The following FRMD3 variants were observed in gnomAD, a reference collection of about 807,000 sequenced individuals.
FRMD3 encodes FERM domain-containing protein 3.
FRMD3 carries 33 observed loss-of-function variants against 70.2 expected under a neutral mutation model. The ratio of observed to expected loss-of-function variants is 0.47; its 90% CI spans 0.36 to 0.63. The LOEUF (loss-of-function observed/expected upper bound fraction) is 0.63, where lower values mean the gene tolerates loss of function less well. FRMD3 is among the 20% of genes least tolerant of loss of function. The pLI is 0.00. For missense variants in FRMD3, 632 were observed against 711.4 expected (o/e 0.89, Z 1.27); for synonymous variants, 279 against 255.9 (o/e 1.09, Z -0.86).
chr9:83,475,908 G>T (rs1010646620), intron 1 of FRMD3, among the ~76,000 whole-genome samples: 1 of 152,102 alleles, frequency 6.6e-6, no homozygotes, highest in East Asian at 1.9e-4. Flanking sequence ...TGAGTGTTAG[G>T]TCCCTTTCCT....
At chr9:83,440,186 G>C (rs1326085394) in intron 1 of FRMD3, among the ~76,000 whole-genome samples, 1 of 152,146 alleles carries the variant, frequency 6.6e-6, no homozygotes, top group Non-Finnish European at 1.5e-5. Flanking sequence ...TCATTTCTAA[G>C]GTCAGAAGAG....
chr9:83,367,073 T>C (rs767283175), intron 3 of FRMD3, among the ~76,000 whole-genome samples: 10 of 152,218 alleles, frequency 6.6e-5, no homozygotes, highest in Non-Finnish European at 1.3e-4. Flanking sequence ...GTCACTGTTA[T>C]GTTGCATAGC....
At chr9:83,429,403 G>A (rs79601411) in intron 1 of FRMD3, among the ~76,000 whole-genome samples, 577 of 152,128 alleles carry the variant, frequency 3.8e-3, no homozygotes, top group Non-Finnish European at 6.2e-3. Flanking sequence ...TTCATCGCCC[G>A]TTTCTCCCTC....
intron 13 of FRMD3, among the ~76,000 whole-genome samples, chr9:83,260,648 A>G (rs1434738192): frequency 6.6e-6 from 1 of 152,196 alleles, no homozygotes; most frequent in Non-Finnish European, 1.5e-5. Flanking sequence ...TAGCCACGAT[A>G]GAAGCCACAC....
intron 2 of FRMD3, among the ~76,000 whole-genome samples, chr9:83,380,995 T>G (rs916181353): frequency 6.6e-6 from 1 of 152,132 alleles, no homozygotes; most frequent in African/African-American, 2.4e-5. Flanking sequence ...CCAGAGTAAC[T>G]TAGTCTCTGT....
intron 3 of FRMD3, among the ~76,000 whole-genome samples, chr9:83,354,379 T>C (rs1033670576): frequency 5.9e-5 from 9 of 152,184 alleles, no homozygotes; most frequent in Middle Eastern, 3.2e-3. Flanking sequence ...GAAGCCATTA[T>C]CCTAGGCAAA....
the FRMD3 span, among the ~76,000 whole-genome samples, chr9:83,555,910 G>T: frequency 6.6e-6 from 1 of 152,182 alleles, no homozygotes; most frequent in Non-Finnish European, 1.5e-5. Context: ...GTGGTTTCCC[G>T]GGATCGGTCA....
intron 7 of FRMD3, 64 bp downstream of exon 7, chr9:83,313,596 A>T: frequency 7.7e-7 from 1 of 1,302,490 alleles, no homozygotes; most frequent in Non-Finnish European, 1.1e-6. Context: ...AGGCCTGCGC[A>T]CAGATAAACT....
intron 1 of FRMD3, among the ~76,000 whole-genome samples, chr9:83,526,319 T>C (rs937318764): frequency 2.0e-5 from 3 of 152,238 alleles, no homozygotes; most frequent in Non-Finnish European, 4.4e-5. Context: ...ACACAAGTTA[T>C]GTGACCAGGA....
chr9:83,357,245 ACATATATATAT>A (rs1824404332), intron 3 of FRMD3, among the ~76,000 whole-genome samples: 90 of 6,486 alleles, frequency 0.014, 11 homozygotes, highest in African/African-American at 0.031. Flanking sequence ...TATAATACAT[ACATATATATAT>A]ATATATATAT....
chr9:83,585,124 C>T, the FRMD3 span, among the ~76,000 whole-genome samples: 59 of 152,120 alleles, frequency 3.9e-4, no homozygotes, highest in African/African-American at 1.4e-3. Context: ...ACTTTGTGGG[C>T]GGTGGCAGCA....
intron 1 of FRMD3, among the ~76,000 whole-genome samples, chr9:83,419,588 T>C (rs1200504922): frequency 6.6e-6 from 1 of 151,748 alleles, no homozygotes; most frequent in East Asian, 1.9e-4. Context: ...GTGATATGTG[T>C]TCATGTGTGC....
intron 1 of FRMD3, among the ~76,000 whole-genome samples, chr9:83,500,796 G>C (rs143224853): frequency 1.3e-5 from 2 of 152,274 alleles, no homozygotes; most frequent in South Asian, 2.1e-4. Flanking sequence ...TATGAGTTTG[G>C]AGGCGAGGAA....
chr9:83,325,482 A>G (rs1432873991), intron 6 of FRMD3, among the ~76,000 whole-genome samples: 1 of 151,260 alleles, frequency 6.6e-6, no homozygotes, highest in East Asian at 1.9e-4. Context: ...ATGCCACTAC[A>G]TCTGGCTAAT....
intron 1 of FRMD3, among the ~76,000 whole-genome samples, chr9:83,510,187 CAG>C (rs1362877121): frequency 6.6e-6 from 1 of 152,102 alleles, no homozygotes; most frequent in East Asian, 1.9e-4. Flanking sequence ...AGGAGGGCTC[CAG>C]AGAGAGTCTT....
chr9:83,420,447 C>G (rs1373511368), intron 1 of FRMD3, among the ~76,000 whole-genome samples: 1 of 152,196 alleles, frequency 6.6e-6, no homozygotes, highest in Non-Finnish European at 1.5e-5. Context: ...CCCAAATCAG[C>G]TCAGTGCTAG....
chr9:83,571,848 A>C, the FRMD3 span, among the ~76,000 whole-genome samples: 1 of 152,214 alleles, frequency 6.6e-6, no homozygotes, highest in African/African-American at 2.4e-5. Context: ...TGTGTTTCAA[A>C]GAGAATGAGA....
intron 1 of FRMD3, among the ~76,000 whole-genome samples, chr9:83,436,294 C>A (rs1033008629): frequency 2.6e-5 from 4 of 152,098 alleles, no homozygotes; most frequent in Admixed American, 1.3e-4. Flanking sequence ...AATCATAGCT[C>A]CTGAAACATA....
chr9:83,460,273 A>G (rs4877769), intron 1 of FRMD3, among the ~76,000 whole-genome samples: 14,262 of 152,176 alleles, frequency 0.094, 993 homozygotes, highest in Admixed American at 0.19. Context: ...GATCCCAGCT[A>G]AAACAGCACA....
Sources: gnomAD v4.1 joint callset for allele counts (sites outside exome capture counted in the v4.1 genomes callset) on GRCh38, gnomAD v4.1.1 for gene constraint, MANE v1.5 for transcripts, NCBI Gene and HGNC (gene_info 2026-07-23, HGNC 2026-07-21) for gene names.